The following SAMSN1 variants were observed in gnomAD, a reference collection of about 807,000 sequenced individuals.
The protein encoded by SAMSN1 is SAM domain, SH3 domain and nuclear localization signals 1.
A neutral mutation model predicts 42.0 loss-of-function variants in SAMSN1; 31 were observed. The observed-to-expected ratio is 0.74, with a 90% CI of 0.55 to 1.00. The LOEUF (loss-of-function observed/expected upper bound fraction) is 1.00, where lower values mean the gene tolerates loss of function less well. SAMSN1 is among the 50% of genes least tolerant of loss of function. The probability of loss-of-function intolerance (pLI) is 0.00; values close to 1 mark genes in which losing one functional copy is unlikely to be tolerated. For synonymous variants in SAMSN1, 178 were observed against 151.9 expected (o/e 1.17, Z -1.26); for missense variants, 464 against 439.4 (o/e 1.06, Z -0.50).
intron 1 of SAMSN1, among the ~76,000 whole-genome samples, chr21:14,525,058 G>A (rs576650083): frequency 9.2e-5 from 14 of 152,224 alleles, no homozygotes; most frequent in African/African-American, 2.9e-4. Context: ...TAGTTGATGA[G>A]GGGAAATTGT....
At chr21:14,489,062 T>C (rs1986563634) in intron 7 of SAMSN1, among the ~76,000 whole-genome samples, 1 of 152,204 alleles carries the variant, frequency 6.6e-6, no homozygotes. Flanking sequence ...GGTGTTTCTT[T>C]CCTGCAGAGG....
At chr21:14,488,804 C>T (rs1263732101) in intron 7 of SAMSN1, among the ~76,000 whole-genome samples, 6 of 152,236 alleles carry the variant, frequency 3.9e-5, no homozygotes, top group Admixed American at 6.5e-5. Flanking sequence ...AAATGATTTC[C>T]TCGTGAAATG....
intron 2 of SAMSN1, among the ~76,000 whole-genome samples, chr21:14,636,666 T>C (rs1183122572): frequency 6.6e-6 from 1 of 152,076 alleles, no homozygotes; most frequent in Non-Finnish European, 1.5e-5. Context: ...CTGGCCAACA[T>C]GGTGAAACCC....
intron 1 of SAMSN1, among the ~76,000 whole-genome samples, chr21:14,649,541 G>C (rs1219962420): frequency 6.6e-6 from 1 of 152,118 alleles, no homozygotes; most frequent in East Asian, 1.9e-4. Context: ...AGGCCAAGGT[G>C]GATGGATCAC....
chr21:14,582,106 A>T (rs1329819080), intron 2 of SAMSN1: 1 of 1,503,386 alleles, frequency 6.7e-7, no homozygotes, highest in Non-Finnish European at 8.9e-7. Context: ...CCCAGATAAG[A>T]TGACACATTT....
intron 1 of SAMSN1, among the ~76,000 whole-genome samples, chr21:14,528,471 T>TA (rs982004783): frequency 3.5e-4 from 54 of 152,136 alleles, no homozygotes; most frequent in Middle Eastern, 6.8e-3. Flanking sequence ...GCAGATGTAC[T>TA]AAAAAAAGGC....
intron 1 of SAMSN1, 74 bp from the exon 2 acceptor site, chr21:14,521,295 A>T (rs376659118): frequency 2.0e-6 from 2 of 982,262 alleles, no homozygotes. Context: ...AGTATATTAG[A>T]TTATAGTTTA....
chr21:14,587,758 TA>T (rs1981963163), upstream of SAMSN1, among the ~76,000 whole-genome samples: 1 of 151,918 alleles, frequency 6.6e-6, no homozygotes, highest in African/African-American at 2.4e-5. Context: ...TTTATTTATT[TA>T]TTTATTTTTT....
chr21:14,596,791 A>G (rs540508678), intron 6 of SAMSN1, among the ~76,000 whole-genome samples: 1 of 152,282 alleles, frequency 6.6e-6, no homozygotes, highest in African/African-American at 2.4e-5. Flanking sequence ...TCAAGCCTTC[A>G]GATAACACCT....
chr21:14,650,461 A>T (rs891399962), intron 1 of SAMSN1, among the ~76,000 whole-genome samples: 18 of 152,138 alleles, frequency 1.2e-4, no homozygotes, highest in Admixed American at 7.9e-4. Flanking sequence ...ATTAAGAAGG[A>T]AATTGGAAAA....
At chr21:14,582,505 T>C (rs756685393) in intron 1 of SAMSN1, 54 of 900,852 alleles carry the variant, frequency 6.0e-5, no homozygotes, top group Non-Finnish European at 8.8e-5. Flanking sequence ...GACAAAGAAA[T>C]AGGTTAAAAA....
chr21:14,599,223 T>C (rs1448674071), intron 6 of SAMSN1, among the ~76,000 whole-genome samples: 1 of 152,148 alleles, frequency 6.6e-6, no homozygotes, highest in African/African-American at 2.4e-5. Flanking sequence ...TCCCCATAAT[T>C]CCCACGTGTC....
upstream of SAMSN1, chr21:14,583,902 T>G: frequency 1.8e-6 from 1 of 564,820 alleles, no homozygotes. Flanking sequence ...CCTGAGTCAA[T>G]TTAAGCACTA....
exon 5 of SAMSN1, chr21:14,609,493 C>G (rs918277885): frequency 1.4e-6 from 1 of 717,886 alleles, no homozygotes; most frequent in African/African-American, 1.7e-5. Context: ...TTTTAGCTGA[C>G]AGGGCCTTCT....
intron 2 of SAMSN1, among the ~76,000 whole-genome samples, chr21:14,552,327 C>T (rs1485616883): frequency 6.6e-6 from 1 of 152,040 alleles, no homozygotes; most frequent in East Asian, 1.9e-4. Flanking sequence ...TATGAAGTTC[C>T]TTGGTCTGAA....
intron 1 of SAMSN1, among the ~76,000 whole-genome samples, chr21:14,530,765 T>A (rs905106053): frequency 6.6e-6 from 1 of 152,106 alleles, no homozygotes; most frequent in Non-Finnish European, 1.5e-5. Flanking sequence ...TAGTGGGTGT[T>A]TAGGGGAAGA....
At chr21:14,546,423 G>T, upstream of SAMSN1, 2 of 1,225,392 alleles carry the variant, frequency 1.6e-6, no homozygotes, top group Non-Finnish European at 2.1e-6. Context: ...ATTTACATGG[G>T]TAATTTTTTT....
chr21:14,550,404 G>T (rs1390481534), upstream of SAMSN1, among the ~76,000 whole-genome samples: 1 of 152,088 alleles, frequency 6.6e-6, no homozygotes, highest in Admixed American at 6.6e-5. Flanking sequence ...GCTCCAGGAA[G>T]TGACAAGCTC....
chr21:14,546,472 C>T (rs1980399484), upstream of SAMSN1: 1 of 630,524 alleles, frequency 1.6e-6, no homozygotes, highest in African/African-American at 1.9e-5. Context: ...TATTGTCTTG[C>T]TATTTTCTAT....
Sources: gnomAD v4.1 joint callset for allele counts (sites outside exome capture counted in the v4.1 genomes callset) on GRCh38, gnomAD v4.1.1 for gene constraint, MANE v1.5 for transcripts, NCBI Gene and HGNC (gene_info 2026-07-23, HGNC 2026-07-21) for gene names.